Variants in PCDHA8 observed in about 807,000 individuals in gnomAD.
PCDHA8 encodes protocadherin alpha-8.
A neutral mutation model predicts 61.8 loss-of-function variants in PCDHA8; 53 were observed. That is an observed-to-expected ratio of 0.86 (90% CI 0.69 to 1.08). The LOEUF (loss-of-function observed/expected upper bound fraction) is 1.08. Among genes scored for constraint, PCDHA8 ranks in the 50% least tolerant of loss-of-function variants. PCDHA8 has a pLI of 0.00. For missense variants in PCDHA8, 1,293 were observed against 1,245.0 expected (o/e 1.04, Z -0.58); for synonymous variants, 618 against 556.6 (o/e 1.11, Z -1.55).
intron 1 of PCDHA8, among the ~76,000 whole-genome samples, chr5:140,923,629 G>A (rs1350871926): frequency 6.6e-6 from 1 of 152,138 alleles, no homozygotes; most frequent in Non-Finnish European, 1.5e-5. Flanking sequence ...TTATCCAAAA[G>A]GCAAAAATCT....
chr5:140,974,672 T>G lies in PCDHA8; in HGVS notation c.2395-4277T>G, dbSNP rs186958750. On this transcript the variant is annotated intron_variant, in intron 1 of 3. Coordinates refer to ENST00000531613, the MANE Select transcript of PCDHA8 (RefSeq NM_018911.3). ...GATTACAGGCATGCGCCACCATGCC[T>G]GGCTAATTTTGTATTTTTGGGTTTC... 4.6e-3 allele frequency among the ~76,000 whole-genome samples: 694 copies of G among 152,134 alleles called. 4 individuals are homozygous for G. Among genetic ancestry groups the G allele is most frequent in the African/African-American group, 0.016 (672 of 41,518 alleles).
At chr5:140,966,617 A>G (rs1169791623) in intron 1 of PCDHA8, 8 of 785,216 alleles carry the variant, frequency 1.0e-5, no homozygotes, top group African/African-American at 1.8e-5. Flanking sequence ...GGGCCTACGG[A>G]GGGAGCGGCC....
intron 1 of PCDHA8, chr5:140,869,297 G>A (rs781788461): frequency 1.2e-6 from 2 of 1,613,576 alleles, no homozygotes; most frequent in East Asian, 2.2e-5. Flanking sequence ...CGCCTGTTCC[G>A]GGTGGCGTCC....
rs1554162489 is a variant in PCDHA8 at position 140,869,104 on chromosome 5, A to G, written c.2394+25389A>G. 2.5e-6 allele frequency: 4 copies of G among 1,601,646 alleles called. No individual in the cohort carries two copies. In the Admixed American group the frequency reaches 5.1e-5, roughly 21 times the overall value. On this transcript the variant is annotated intron_variant, in intron 1 of 3. Coordinates refer to ENST00000531613, the MANE Select transcript of PCDHA8 (RefSeq NM_018911.3). ...ATTTTGGAAGCCAATTTCGTATGCG[A>G]TGTTTGGTTTTCAGAGAAGGGGATT... is the stretch of plus-strand genomic sequence containing the variant.
chr5:140,856,897 G>C, intron 1 of PCDHA8: 1 of 1,596,350 alleles, frequency 6.3e-7, no homozygotes, highest in Non-Finnish European at 8.6e-7. Flanking sequence ...TTAGCTCTTT[G>C]GTCCCACCCA....
At chr5:140,871,004 G>T in intron 1 of PCDHA8, 1 of 1,613,410 alleles carries the variant, frequency 6.2e-7, no homozygotes, top group Non-Finnish European at 8.5e-7. Context: ...AGCACAACGC[G>T]TGCCCTGGAC....
intron 1 of PCDHA8, among the ~76,000 whole-genome samples, chr5:140,900,339 G>A (rs1019458960): frequency 7.2e-5 from 11 of 151,812 alleles, no homozygotes; most frequent in East Asian, 2.0e-4. Context: ...GTACCGTGGC[G>A]CAATCTTGGC....
intron 1 of PCDHA8, chr5:140,878,062 T>C (rs1180266527): frequency 2.5e-6 from 1 of 403,164 alleles, no homozygotes; most frequent in East Asian, 4.6e-5. Context: ...ACACTTAATA[T>C]TTTTCTTTTT....
chr5:140,868,134 T>C (rs1562613374), intron 1 of PCDHA8: 1 of 152,142 alleles, frequency 6.6e-6, no homozygotes, highest in Admixed American at 6.5e-5. Context: ...ATTTCTGTCA[T>C]ATCATTGATT....
At chr5:140,870,789 G>A in intron 1 of PCDHA8, 3 of 1,613,630 alleles carry the variant, frequency 1.9e-6, no homozygotes, top group Admixed American at 1.7e-5. Context: ...ACAACGCGCC[G>A]GCACTGCTGG....
intron 3 of PCDHA8, among the ~76,000 whole-genome samples, chr5:140,997,698 ATGTT>A (rs1297045627): frequency 1.4e-5 from 2 of 145,558 alleles, no homozygotes; most frequent in African/African-American, 5.1e-5. Flanking sequence ...GTGTGTGTGT[ATGTT>A]AACAAACACC....
Position 140,843,631 on chromosome 5 carries a change from G to T in PCDHA8, c.2310G>T (p.Met770Ile), listed in dbSNP as rs2150363915. The change falls in exon 1 of 4, where the codon ATG becomes ATT. Residue 770 changes from methionine to isoleucine, a missense_variant. Met to Ile is a conservative substitution (Grantham distance 10, BLOSUM62 1). Coordinates refer to ENST00000531613, the MANE Select transcript of PCDHA8 (RefSeq NM_018911.3). ...AGGGGCCACCGAAGACGGACCTCAT[G>T]GCCTTCAGCCCCTGCCTTCCTCCTG... is the stretch of plus-strand genomic sequence containing the variant. Reference protein sequence around the residue: ...SGEGPPKTDLMAFSPCLPPDL... With the variant: ...SGEGPPKTDLIAFSPCLPPDL... 6.3e-7 allele frequency: 1 copy of T among 1,595,994 alleles called. No individual in the cohort carries two copies. The highest frequency in any genetic ancestry group is 2.2e-5 in the East Asian group (1 of 44,830).
At chr5:140,886,899 A>G (rs1054848231) in intron 1 of PCDHA8, among the ~76,000 whole-genome samples, 1 of 152,020 alleles carries the variant, frequency 6.6e-6, no homozygotes, top group Admixed American at 6.6e-5. Flanking sequence ...AATGCATTTA[A>G]TAAATACTTA....
At chr5:140,926,301 C>T (rs1554203262) in intron 1 of PCDHA8, 1 of 152,336 alleles carries the variant, frequency 6.6e-6, no homozygotes, top group Non-Finnish European at 1.5e-5. Flanking sequence ...GTCCCGCCCT[C>T]TCCGCCGGAG....
At chr5:140,883,332 T>C (rs2059555585) in intron 1 of PCDHA8, 3 of 1,614,174 alleles carry the variant, frequency 1.9e-6, no homozygotes, top group Non-Finnish European at 2.5e-6. Flanking sequence ...ATCACTTCTT[T>C]GTCACTCCCC....
chr5:140,977,665 A>G (rs1554238741), intron 1 of PCDHA8, among the ~76,000 whole-genome samples: 1 of 152,202 alleles, frequency 6.6e-6, no homozygotes, highest in Non-Finnish European at 1.5e-5. Flanking sequence ...AATTCTCTGC[A>G]TGCCAAATAT....
At chr5:140,895,647 C>A (rs954657912) in intron 1 of PCDHA8, among the ~76,000 whole-genome samples, 2 of 151,996 alleles carry the variant, frequency 1.3e-5, no homozygotes, top group African/African-American at 4.8e-5. Flanking sequence ...TTTTTAGCTC[C>A]CACTTATAAG....
Position 140,999,346 on chromosome 5 carries a change from T to C in PCDHA8, c.2543-10281T>C, listed in dbSNP as rs115221132. ...ATCTGTGTGATTTATAAGCCTTGTC[T>C]CTTTTTAATGTTCACAATCCCATTA... On this transcript the variant is annotated intron_variant, in intron 3 of 3. Transcript: ENST00000531613. Among the ~76,000 whole-genome samples the C allele has an allele frequency of 2.6e-3, 399 of 152,360 alleles. 2 individuals are homozygous for C. In the Middle Eastern group the frequency reaches 0.041, roughly 16 times the overall value.
intron 1 of PCDHA8, among the ~76,000 whole-genome samples, chr5:140,937,861 G>A (rs1159207693): frequency 6.6e-6 from 1 of 150,994 alleles, no homozygotes; most frequent in African/African-American, 2.4e-5. Context: ...GGAGTGAGCC[G>A]AGATCGCGCC....
Sources: gnomAD v4.1 joint callset for allele counts (sites outside exome capture counted in the v4.1 genomes callset) on GRCh38, gnomAD v4.1.1 for gene constraint, MANE v1.5 for transcripts, NCBI Gene and HGNC (gene_info 2026-07-23, HGNC 2026-07-21) for gene names.